NET1: variants seen among roughly 807,000 people sequenced by gnomAD.
The protein encoded by NET1 is neuroepithelial cell transforming 1.
A neutral mutation model predicts 61.1 loss-of-function variants in NET1; 42 were observed. The observed-to-expected ratio is 0.69, with a 90% confidence interval of 0.54 to 0.89. NET1 has a LOEUF of 0.89. NET1 is among the 40% of genes least tolerant of loss of function. NET1 has a pLI of 0.00. For missense variants in NET1, 654 were observed against 747.3 expected, an observed-to-expected ratio of 0.88 and a Z score of 1.46; for synonymous variants, 254 against 281.8, an observed-to-expected ratio of 0.90 and a Z score of 0.99.
intron 3 of NET1, 28 bp downstream of exon 3, chr10:5,429,257 A>C: frequency 6.7e-7 from 1 of 1,501,936 alleles, no homozygotes. Context: ...GTTAAAGAAA[A>C]GCATTTAAAA....
At chr10:5,436,820 C>T (rs1414786534) in intron 3 of NET1, among the ~76,000 whole-genome samples, 1 of 152,132 alleles carries the variant, frequency 6.6e-6, no homozygotes, top group Non-Finnish European at 1.5e-5. Context: ...ACTTACCTAG[C>T]TTACTGTTGC....
intron 3 of NET1, among the ~76,000 whole-genome samples, chr10:5,442,781 G>A (rs549779792): frequency 6.6e-6 from 1 of 151,814 alleles, no homozygotes; most frequent in East Asian, 1.9e-4. Context: ...GGAGGCTGAG[G>A]CATGAGAATC....
At chr10:5,436,375 C>T (rs1044957717) in intron 3 of NET1, among the ~76,000 whole-genome samples, 16 of 145,654 alleles carry the variant, frequency 1.1e-4, no homozygotes, top group Non-Finnish European at 1.5e-4. Context: ...AAGTGATTTT[C>T]CTGCCTCAGC....
Position 5,429,164 on chromosome 10 carries a change from T to A in NET1, c.196-6T>A, listed in dbSNP as rs770778525. On this transcript the variant is annotated splice_region_variant and splice_polypyrimidine_tract_variant and intron_variant, in intron 2 of 11. Coordinates refer to ENST00000355029, the MANE Select transcript of NET1 (RefSeq NM_001047160.3). ...TATGAGAATGAAATCTCTATTTTTC[T>A]TTTAGAAAAGAAAACGCAGAGAGAA... 1 of 1,601,872 alleles carries A rather than the reference T, an allele frequency of 6.2e-7. No individual in the cohort carries two copies. The highest frequency in any genetic ancestry group is 1.3e-5 in the African/African-American group (1 of 74,498).
chr10:5,453,144 G>A lies in NET1; in HGVS notation c.595-106G>A. On this transcript the variant is annotated intron_variant, in intron 6 of 11. Transcript: ENST00000355029. The surrounding 1 kb of genome is among the most constrained non-coding windows in gnomAD (Gnocchi z 4.9). ...TAATTTATTTTATGTGTAGCAAACA[G>A]AATCCACGCTAGCTTTTATGTAATT... is the stretch of plus-strand genomic sequence containing the variant. The A allele has an allele frequency of 1.3e-6, 1 of 785,156 alleles. No homozygotes were observed. Among genetic ancestry groups the A allele is most frequent in the East Asian group, 2.4e-5 (1 of 41,168 alleles). The allele number at this position is 785,156 out of a possible 1,614,324, so 48.6% of individuals were successfully genotyped here. A position where few individuals can be genotyped will look rare whatever the true frequency, so the allele number is the denominator to read the frequency against.
rs1832695283 is a variant in NET1, at chr10:5,451,074, C to T, written c.256-756C>T. Among the ~76,000 whole-genome samples, 1 of 152,164 alleles carries T rather than the reference C, an allele frequency of 6.6e-6. No individual in the cohort carries two copies. Among genetic ancestry groups the T allele is most frequent in the South Asian group, 2.1e-4 (1 of 4,818 alleles). On this transcript the variant is annotated intron_variant, in intron 3 of 11. Coordinates refer to ENST00000355029, the MANE Select transcript of NET1 (RefSeq NM_001047160.3). This position sits in a 1 kb window ranked among gnomAD's most constrained non-coding sequence, Gnocchi z 6.1. Reference sequence around the variant, plus strand: ...TAGCTCAAACTGAGTATGTGCCAGGCACTGTTTCAAGCCATATTATTCATT... The same window carrying T: ...TAGCTCAAACTGAGTATGTGCCAGGTACTGTTTCAAGCCATATTATTCATT...
rs148672069 is a variant in NET1, at chr10:5,449,983, A to G, written c.256-1847A>G. ...ATTTCTTACTCTGTGAGGTAATTCT[A>G]TCTTCAGTCCAACAGGAGACTCTTT... On this transcript the variant is annotated intron_variant, in intron 3 of 11. Transcript: ENST00000355029. The surrounding 1 kb of genome is among the most constrained non-coding windows in gnomAD (Gnocchi z 4.4). 2.9e-3 allele frequency among the ~76,000 whole-genome samples: 437 copies of G among 152,262 alleles called. No homozygotes were observed. The highest frequency in any genetic ancestry group is 9.8e-3 in the African/African-American group (409 of 41,552).
At chr10:5,430,935 G>C (rs996852055) in intron 3 of NET1, among the ~76,000 whole-genome samples, 1 of 148,124 alleles carries the variant, frequency 6.8e-6, no homozygotes, top group South Asian at 2.2e-4. Context: ...GCAGTGGCGC[G>C]ATCTCTGCTC....
In NET1 at chr10:5,435,510, T is replaced by TAGAC. The variant is rs1564462411; in HGVS notation, c.255+6284_255+6285insCAGA. On this transcript the variant is annotated intron_variant, in intron 3 of 11. Transcript: ENST00000355029. The surrounding 1 kb of genome is among the most constrained non-coding windows in gnomAD (Gnocchi z 5.0). Reference sequence around the variant, plus strand: ...ATAGATAGATAGATAGATAGATAGATAGATAGATAGATAGATAGATAGACA... The same window carrying TAGAC: ...ATAGATAGATAGATAGATAGATAGATAGACAGATAGATAGATAGATAGATAGACA... 1.6e-5 allele frequency among the ~76,000 whole-genome samples: 1 copy of TAGAC among 63,310 alleles called. No homozygotes were observed. Among genetic ancestry groups the TAGAC allele is most frequent in the African/African-American group, 7.3e-5 (1 of 13,716 alleles). The allele number at this position is 63,310 out of a possible 152,430, so 41.5% of individuals were successfully genotyped here.
rs1359625404 is a variant in NET1 at position 5,456,301 on chromosome 10, A to G, written c.1384+28A>G. On this transcript the variant is annotated intron_variant, in intron 11 of 11. Transcript: ENST00000355029. The surrounding 1 kb of genome is among the most constrained non-coding windows in gnomAD (Gnocchi z 7.0). ...AAAATGCAGGCCTTCAATAATTTAA[A>G]GAAATAGAAGCTCAGAACTGAAGTG... 4 of 1,544,620 alleles carry G rather than the reference A, an allele frequency of 2.6e-6. No homozygotes were observed. The highest frequency in any genetic ancestry group is 3.5e-6 in the Non-Finnish European group (4 of 1,145,378).
In NET1 at chr10:5,431,134, G is replaced by A. The variant is rs2119180715; in HGVS notation, c.255+1905G>A. Among the ~76,000 whole-genome samples the A allele has an allele frequency of 6.6e-6, 1 of 152,136 alleles. No homozygotes were observed. Among genetic ancestry groups the A allele is most frequent in the Non-Finnish European group, 1.5e-5 (1 of 67,992 alleles). ...GATCCGCCTGCCTCGGCCTCCCAAA[G>A]TGCTGGGATTACAGGCGTGAGCCAC... On this transcript the variant is annotated intron_variant, in intron 3 of 11. Transcript: ENST00000355029. The surrounding 1 kb of genome is among the most constrained non-coding windows in gnomAD (Gnocchi z 4.9).
Position 5,435,526 on chromosome 10 carries a change from T to TAGAC in NET1, c.255+6300_255+6301insCAGA, listed in dbSNP as rs1318827598. ...ATAGATAGATAGATAGATAGATAGATAGATAGACAGACAGACAGATAGATA... is the reference window on the plus strand; with the variant it reads ...ATAGATAGATAGATAGATAGATAGATAGACAGATAGACAGACAGACAGATAGATA... On this transcript the variant is annotated intron_variant, in intron 3 of 11. Transcript: ENST00000355029. This position sits in a 1 kb window ranked among gnomAD's most constrained non-coding sequence, Gnocchi z 5.0. Among the ~76,000 whole-genome samples the TAGAC allele has an allele frequency of 1.6e-3, 32 of 20,554 alleles. No individual in the cohort carries two copies. The highest frequency in any genetic ancestry group is 4.6e-3 in the African/African-American group (28 of 6,092). The allele number at this position is 20,554 out of a possible 152,430, so 13.5% of individuals were successfully genotyped here.
At position 5,458,841 on chromosome 10, in the gene NET1, A is replaced by T. The variant is rs1191118646; in HGVS notation, c.*1847A>T. Among the ~76,000 whole-genome samples, 1 of 152,338 alleles carries T rather than the reference A, an allele frequency of 6.6e-6. No individual in the cohort carries two copies. The highest frequency in any genetic ancestry group is 1.9e-4 in the East Asian group (1 of 5,190). On this transcript the variant is annotated 3_prime_UTR_variant, in exon 12 of 12. Coordinates refer to ENST00000355029, the MANE Select transcript of NET1 (RefSeq NM_001047160.3). This position sits in a 1 kb window ranked among gnomAD's most constrained non-coding sequence, Gnocchi z 4.5. ...AATGATTGTGATCTGCAACACCAGA[A>T]AGCAAGATTTCTAATCATTTCCAGA...
At chr10:5,428,889 A>ATTT (rs71388434) in intron 2 of NET1, among the ~76,000 whole-genome samples, 5 of 140,192 alleles carry the variant, frequency 3.6e-5, no homozygotes, top group African/African-American at 5.3e-5. Flanking sequence ...CGCGCAGCTA[A>ATTT]TTTTTTTTTT....
chr10:5,422,206 G>A lies in NET1; in HGVS notation c.129-4449G>A, dbSNP rs910106322. Among the ~76,000 whole-genome samples, 1 of 152,018 alleles carries A rather than the reference G, an allele frequency of 6.6e-6. No homozygotes were observed. Among genetic ancestry groups the A allele is most frequent in the African/African-American group, 2.4e-5 (1 of 41,388 alleles). On this transcript the variant is annotated intron_variant, in intron 1 of 11. Coordinates refer to ENST00000355029, the MANE Select transcript of NET1 (RefSeq NM_001047160.3). This position sits in a 1 kb window ranked among gnomAD's most constrained non-coding sequence, Gnocchi z 4.1. ...ATAAAATTTAGCTGGGCATGGTGGCGTGCCCCTGTAATCCTAGCTACTCGG... is the reference window on the plus strand; with the variant it reads ...ATAAAATTTAGCTGGGCATGGTGGCATGCCCCTGTAATCCTAGCTACTCGG...
rs1474310549 is a variant in NET1, at chr10:5,420,930, CATGATTG to C, written c.129-5723_129-5717del. 6.6e-6 allele frequency among the ~76,000 whole-genome samples: 1 copy of C among 152,118 alleles called. No homozygotes were observed. The highest frequency in any genetic ancestry group is 1.5e-5 in the Non-Finnish European group (1 of 68,006). ...TTCTAAAGAACCCTAGGTTATACTACATGATTGAGAGCTCAGAACGAGGACTGCTTTT... is the reference window on the plus strand; with the variant it reads ...TTCTAAAGAACCCTAGGTTATACTACAGAGCTCAGAACGAGGACTGCTTTT... On this transcript the variant is annotated intron_variant, in intron 1 of 11. Transcript: ENST00000355029. The surrounding 1 kb of genome is among the most constrained non-coding windows in gnomAD (Gnocchi z 5.3).
Position 5,440,400 on chromosome 10 carries a change from T to C in NET1, c.255+11171T>C. Among the ~76,000 whole-genome samples the C allele has an allele frequency of 6.6e-6, 1 of 152,242 alleles. No individual in the cohort carries two copies. Among genetic ancestry groups the C allele is most frequent in the East Asian group, 1.9e-4 (1 of 5,204 alleles). ...GATTTGTTGGTCTGCTCCAGTAGAC[T>C]CTACATCTTGCACAACAGTTGAGGT... On this transcript the variant is annotated intron_variant, in intron 3 of 11. Coordinates refer to ENST00000355029, the MANE Select transcript of NET1 (RefSeq NM_001047160.3). This position sits in a 1 kb window ranked among gnomAD's most constrained non-coding sequence, Gnocchi z 4.1.
At position 5,452,642 on chromosome 10, in the gene NET1, C is replaced by A; in HGVS notation, c.531+117C>A. ...AATTCCTAATACATGGTGAACAAAACCTAATGATGGATGGTGGTCAAATTA... is the reference window on the plus strand; with the variant it reads ...AATTCCTAATACATGGTGAACAAAAACTAATGATGGATGGTGGTCAAATTA... On this transcript the variant is annotated intron_variant, in intron 5 of 11. Coordinates refer to ENST00000355029, the MANE Select transcript of NET1 (RefSeq NM_001047160.3). This position sits in a 1 kb window ranked among gnomAD's most constrained non-coding sequence, Gnocchi z 4.0. 8.9e-7 allele frequency: 1 copy of A among 1,127,422 alleles called. No homozygotes were observed. The highest frequency in any genetic ancestry group is 1.3e-6 in the Non-Finnish European group (1 of 793,136). The allele number at this position is 1,127,422 out of a possible 1,614,324, so 69.8% of individuals were successfully genotyped here.
intron 3 of NET1, among the ~76,000 whole-genome samples, chr10:5,445,742 T>C (rs1832597376): frequency 6.6e-6 from 1 of 152,232 alleles, no homozygotes; most frequent in African/African-American, 2.4e-5. Flanking sequence ...GTCACTGTCA[T>C]TATTGTCACT....
Sources: allele counts gnomAD v4.1 joint callset (sites outside exome capture counted in the v4.1 genomes callset), GRCh38; gene constraint gnomAD v4.1.1; non-coding constraint Gnocchi (gnomAD v3.1); transcripts MANE v1.5; gene names NCBI Gene and HGNC (gene_info 2026-07-23, HGNC 2026-07-21).